The following PEX7 variants were observed in gnomAD, a reference collection of about 807,000 sequenced individuals.
PEX7 encodes the protein PTS2 receptor.
In PEX7, 34 loss-of-function variants were observed where a neutral mutation model predicts 47.5. That is an observed-to-expected ratio of 0.72 (90% confidence interval 0.54 to 0.95). The LOEUF (loss-of-function observed/expected upper bound fraction) is 0.95. Ranked by LOEUF, PEX7 falls within the 40% of genes least tolerant of loss-of-function variation. PEX7 has a pLI of 0.00. For synonymous variants in PEX7, 141 were observed against 148.8 expected (o/e 0.95, Z 0.38); for missense variants, 394 against 400.3 (o/e 0.98, Z 0.13).
chr6:136,834,495 G>T (rs1469954271), intron 3 of PEX7, among the ~76,000 whole-genome samples: 1 of 152,210 alleles, frequency 6.6e-6, no homozygotes, highest in Non-Finnish European at 1.5e-5. Flanking sequence ...GGGATTATAG[G>T]CATGAGCCAC....
intron 5 of PEX7, among the ~76,000 whole-genome samples, chr6:136,861,705 T>A (rs942596227): frequency 2.0e-5 from 3 of 151,612 alleles, no homozygotes; most frequent in African/African-American, 7.3e-5. Flanking sequence ...TTTGTGAAAT[T>A]TGTTAAAAAG....
intron 8 of PEX7, among the ~76,000 whole-genome samples, chr6:136,896,091 C>T (rs1365068473): frequency 6.6e-6 from 1 of 152,186 alleles, no homozygotes; most frequent in Non-Finnish European, 1.5e-5. Flanking sequence ...TCTTAATTTT[C>T]ATAAGGCCCA....
intron 8 of PEX7, among the ~76,000 whole-genome samples, chr6:136,880,108 G>T (rs1294628280): frequency 6.6e-6 from 1 of 150,618 alleles, no homozygotes; most frequent in African/African-American, 2.4e-5. Flanking sequence ...AATATGTTAC[G>T]GTTTTCTACT....
Position 136,913,526 on chromosome 6 carries a change from A to T in PEX7, c.972A>T (p.Ter324CysextTer13). The T allele has an allele frequency of 6.2e-7, 1 of 1,600,464 alleles. No individual in the cohort carries two copies. The highest frequency in any genetic ancestry group is 1.1e-5 in the South Asian group (1 of 90,840). ...YDPACLTIPA* is the reference protein window; with the variant it reads ...YDPACLTIPAC ...CTGCTTGTCTTACTATTCCTGCTTGAGATACACTACTTTGGTCAGAAACAG... is the reference window on the plus strand; with the variant it reads ...CTGCTTGTCTTACTATTCCTGCTTGTGATACACTACTTTGGTCAGAAACAG... Residue 324 changes from the stop codon to cysteine (C), a stop_lost, in exon 10 of 10, where the codon TGA becomes TGT. Coordinates refer to ENST00000318471, the MANE Select transcript of PEX7 (RefSeq NM_000288.4).
At chr6:136,823,316 CA>C in intron 1 of PEX7, 1 of 985,406 alleles carries the variant, frequency 1.0e-6, no homozygotes, top group Non-Finnish European at 1.2e-6. Context: ...CGGGTGACAC[CA>C]TGAAATATAT....
chr6:136,877,150 A>T (rs548714980), intron 8 of PEX7, among the ~76,000 whole-genome samples: 126 of 150,060 alleles, frequency 8.4e-4, no homozygotes, highest in African/African-American at 3.0e-3. Context: ...TTGAGAAGTG[A>T]CTGTTCATAT....
At chr6:136,887,508 G>C (rs1001154851) in intron 8 of PEX7, among the ~76,000 whole-genome samples, 1 of 152,052 alleles carries the variant, frequency 6.6e-6, no homozygotes. Context: ...TTATATTTCT[G>C]ATCAAAGTTG....
intron 9 of PEX7, among the ~76,000 whole-genome samples, chr6:136,908,889 A>G (rs1775887413): frequency 6.6e-6 from 1 of 152,002 alleles, no homozygotes; most frequent in Non-Finnish European, 1.5e-5. Context: ...AAACAGCAAC[A>G]AATGCTGTCT....
At chr6:136,875,159 C>G (rs982379609) in intron 8 of PEX7, among the ~76,000 whole-genome samples, 2 of 149,056 alleles carry the variant, frequency 1.3e-5, no homozygotes, top group Non-Finnish European at 3.0e-5. Context: ...AAAAAAAGAA[C>G]TTTTTTTTTT....
At chr6:136,840,187 A>C (rs1465594143) in intron 3 of PEX7, among the ~76,000 whole-genome samples, 1 of 152,224 alleles carries the variant, frequency 6.6e-6, no homozygotes. Context: ...TATAAAATAC[A>C]TGTAAGATGT....
chr6:136,888,139 C>T (rs1275185496), intron 8 of PEX7, among the ~76,000 whole-genome samples: 1 of 152,020 alleles, frequency 6.6e-6, no homozygotes, highest in Non-Finnish European at 1.5e-5. Flanking sequence ...TACTCTGCCT[C>T]ACAAACCTTT....
chr6:136,898,557 G>A (rs1775693241), intron 9 of PEX7, among the ~76,000 whole-genome samples: 1 of 152,150 alleles, frequency 6.6e-6, no homozygotes, highest in African/African-American at 2.4e-5. Context: ...GTCGCCACGG[G>A]TTGGCAGGAG....
chr6:136,892,232 G>A (rs1775568357), intron 8 of PEX7, among the ~76,000 whole-genome samples: 1 of 152,132 alleles, frequency 6.6e-6, no homozygotes, highest in African/African-American at 2.4e-5. Context: ...ATGGACTCTT[G>A]GCATGGGCTT....
chr6:136,846,324 C>CT, intron 5 of PEX7, 143 bp downstream of exon 5: 1 of 443,412 alleles, frequency 2.3e-6, no homozygotes, highest in Non-Finnish European at 4.0e-6. Flanking sequence ...GACTTTACTT[C>CT]TTTTTTTATT....
chr6:136,837,328 C>G (rs981502398), intron 3 of PEX7, among the ~76,000 whole-genome samples: 1 of 127,710 alleles, frequency 7.8e-6, no homozygotes, highest in Non-Finnish European at 1.6e-5. Flanking sequence ...CGCCACTGCA[C>G]TCCAGCCTGG....
At chr6:136,847,212 GTT>G (rs71009513) in intron 5 of PEX7, among the ~76,000 whole-genome samples, 152,043 of 152,252 alleles carry the variant, frequency 1, 75,918 homozygotes, top group Middle Eastern at 1. Flanking sequence ...TTGTAAATTT[GTT>G]TTTAAGTTTT....
rs370455462 is a variant in PEX7 at position 136,825,160 on chromosome 6, T to C, written c.131-54T>C. 54 of 1,434,920 alleles carry C rather than the reference T, an allele frequency of 3.8e-5. No homozygotes were observed. In the African/African-American group the frequency reaches 7.1e-4, roughly 19 times the overall value. The allele number at this position is 1,434,920 out of a possible 1,614,324, so 88.9% of individuals were successfully genotyped here. On this transcript the variant is annotated intron_variant, in intron 1 of 9. Transcript: ENST00000318471. ...CAATTACTTGATAACTCCTTGACTTTCGATGTTACCCTGGCAGGTTCAAAG... is the reference window on the plus strand; with the variant it reads ...CAATTACTTGATAACTCCTTGACTTCCGATGTTACCCTGGCAGGTTCAAAG...
intron 2 of PEX7, among the ~76,000 whole-genome samples, chr6:136,825,868 C>T (rs1263272716): frequency 6.6e-6 from 1 of 152,104 alleles, no homozygotes; most frequent in Non-Finnish European, 1.5e-5. Context: ...GTAGTCCCAG[C>T]TACTTGGGAA....
At chr6:136,861,552 A>G (rs1774963757) in intron 5 of PEX7, among the ~76,000 whole-genome samples, 1 of 152,066 alleles carries the variant, frequency 6.6e-6, no homozygotes. Flanking sequence ...TGTATGTTTT[A>G]ATGGAAACCT....
Sources: gnomAD v4.1 joint callset for allele counts (sites outside exome capture counted in the v4.1 genomes callset) on GRCh38, gnomAD v4.1.1 for gene constraint, MANE v1.5 for transcripts, NCBI Gene and HGNC (gene_info 2026-07-23, HGNC 2026-07-21) for gene names.